The following TRAF3IP2 variants were observed in gnomAD, a reference collection of about 807,000 sequenced individuals.
The protein encoded by TRAF3IP2 is TRAF3 interacting protein 2, also known as E3 ubiquitin ligase TRAF3IP2.
A neutral mutation model predicts 57.9 loss-of-function variants in TRAF3IP2; 35 were observed. That is an observed-to-expected ratio of 0.60 (90% CI 0.46 to 0.80). The LOEUF (loss-of-function observed/expected upper bound fraction) is 0.80, where lower values mean the gene tolerates loss of function less well. TRAF3IP2 is among the 30% of genes least tolerant of loss of function. TRAF3IP2 has a pLI of 0.00. For missense variants in TRAF3IP2, 556 were observed against 706.4 expected (o/e 0.79, Z 2.41); for synonymous variants, 251 against 268.9 (o/e 0.93, Z 0.65).
intron 2 of TRAF3IP2, among the ~76,000 whole-genome samples, chr6:111,581,628 C>T (rs761756023): frequency 6.6e-6 from 1 of 151,842 alleles, no homozygotes; most frequent in Non-Finnish European, 1.5e-5. Context: ...GGCAAGTAAA[C>T]AAAAAAGTGA....
At chr6:111,588,392 G>A (rs1796404791) in intron 2 of TRAF3IP2, among the ~76,000 whole-genome samples, 1 of 152,160 alleles carries the variant, frequency 6.6e-6, no homozygotes, top group Admixed American at 6.5e-5. Context: ...TGGGGCAATA[G>A]GGACAAAAAG....
chr6:111,559,516 G>A lies in TRAF3IP2; in HGVS notation c.1587C>T (p.Val529=). 6.2e-7 allele frequency: 1 copy of A among 1,614,214 alleles called. No individual in the cohort carries two copies. The highest frequency in any genetic ancestry group is 1.3e-5 in the African/African-American group (1 of 75,062). ...TTTTTTTATTCTTGGGCCAGCTGTA[G>A]ACATGAGTGTTCTGAAGCCAGGTGG... The part of the protein sequence containing the change: ...HVPTWLQNTH[V]YSWPKNKKNI... The change falls in exon 9 of 9, where the codon GTC becomes GTT. Residue 529 remains valine, a synonymous_variant. Transcript: ENST00000368761.
chr6:111,588,723 G>A (rs890410279), intron 2 of TRAF3IP2, among the ~76,000 whole-genome samples: 2 of 152,264 alleles, frequency 1.3e-5, no homozygotes, highest in South Asian at 4.1e-4. Context: ...ACATATGTAT[G>A]CAATGCTTGC....
intron 7 of TRAF3IP2, among the ~76,000 whole-genome samples, chr6:111,565,580 T>C (rs889628514): frequency 6.6e-6 from 1 of 152,032 alleles, no homozygotes; most frequent in African/African-American, 2.4e-5. Context: ...AGCCTGAAAG[T>C]CACAAGTGTA....
chr6:111,566,640 G>A lies in TRAF3IP2; in HGVS notation c.1360-80C>T, dbSNP rs989407199. ...GGCATTCTCTGACACACGGGGTGGA[G>A]GGCCAGGCTCATTCTCCATAGAAAG... On this transcript the variant is annotated intron_variant, in intron 6 of 8. Transcript: ENST00000368761. The A allele has an allele frequency of 3.3e-6, 4 of 1,204,186 alleles. No homozygotes were observed. The South Asian group carries it at 4.8e-5, about 15-fold the overall frequency. 74.6% of individuals were successfully genotyped at this position (1,204,186 alleles called of 1,614,324 possible).
chr6:111,595,725 G>A (rs1796663643), intron 1 of TRAF3IP2, among the ~76,000 whole-genome samples: 1 of 151,968 alleles, frequency 6.6e-6, no homozygotes, highest in Admixed American at 6.6e-5. Flanking sequence ...CTACTCCAGA[G>A]GCTGAGGCAG....
chr6:111,589,274 G>A (rs911576288), intron 2 of TRAF3IP2, among the ~76,000 whole-genome samples: 11 of 151,978 alleles, frequency 7.2e-5, no homozygotes, highest in African/African-American at 2.4e-4. Flanking sequence ...ATGTTGGCCA[G>A]GCTAGTCTCA....
chr6:111,588,384 G>A (rs2128380940), intron 2 of TRAF3IP2, among the ~76,000 whole-genome samples: 1 of 152,248 alleles, frequency 6.6e-6, no homozygotes, highest in Middle Eastern at 3.4e-3. Context: ...GCAGGTCCTG[G>A]GGCAATAGGG....
intron 4 of TRAF3IP2, among the ~76,000 whole-genome samples, chr6:111,575,127 G>A (rs766586176): frequency 3.5e-4 from 53 of 152,040 alleles, no homozygotes; most frequent in Non-Finnish European, 6.2e-4. Flanking sequence ...GGGAGGCTGA[G>A]GTGGGAGAAT....
intron 2 of TRAF3IP2, among the ~76,000 whole-genome samples, chr6:111,585,597 G>C (rs1796303355): frequency 6.6e-6 from 1 of 152,164 alleles, no homozygotes; most frequent in Non-Finnish European, 1.5e-5. Flanking sequence ...ACCCACACTA[G>C]TTAGTGTGTG....
intron 1 of TRAF3IP2, among the ~76,000 whole-genome samples, chr6:111,598,807 T>C (rs1260170548): frequency 1.3e-5 from 2 of 152,208 alleles, no homozygotes; most frequent in African/African-American, 4.8e-5. Context: ...ATTCTGATGC[T>C]CACAAAGATT....
Position 111,594,046 on chromosome 6 carries a change from G to A in TRAF3IP2, c.-8-1952C>T, listed in dbSNP as rs142149034. Among the ~76,000 whole-genome samples, 1,409 of 149,080 alleles carry A rather than the reference G, an allele frequency of 9.5e-3. 23 individuals are homozygous for A. Among genetic ancestry groups the A allele is most frequent in the African/African-American group, 0.032 (1,307 of 40,546 alleles). On this transcript the variant is annotated intron_variant, in intron 1 of 8. Coordinates refer to ENST00000368761, the MANE Select transcript of TRAF3IP2 (RefSeq NM_147686.4). Reference sequence around the variant, plus strand: ...CTCAGGAGGCTGAGGCAGGAGAATCGCTTGAACCTGGGAGGTGGAGGTTGC... The same window carrying A: ...CTCAGGAGGCTGAGGCAGGAGAATCACTTGAACCTGGGAGGTGGAGGTTGC...
At chr6:111,599,262 G>A (rs1233682838) in intron 1 of TRAF3IP2, among the ~76,000 whole-genome samples, 1 of 151,970 alleles carries the variant, frequency 6.6e-6, no homozygotes, top group Non-Finnish European at 1.5e-5. Flanking sequence ...GTGAGCTGTG[G>A]TTCTAGCTCT....
At position 111,586,236 on chromosome 6, in the gene TRAF3IP2, T is replaced by C. The variant is rs75139249; in HGVS notation, c.829+5022A>G. Among the ~76,000 whole-genome samples the C allele has an allele frequency of 2.0e-3, 278 of 137,074 alleles. 1 individual carries two copies. The highest frequency in any genetic ancestry group is 4.6e-3 in the Admixed American group (63 of 13,608). 89.9% of individuals were successfully genotyped at this position (137,074 alleles called of 152,430 possible). On this transcript the variant is annotated intron_variant, in intron 2 of 8. Coordinates refer to ENST00000368761, the MANE Select transcript of TRAF3IP2 (RefSeq NM_147686.4). ...TCTAGCATACAAATAATCCCTCCCC[T>C]TTTTTTTTTTTGGTCCACAGGTACA...
intron 3 of TRAF3IP2, among the ~76,000 whole-genome samples, chr6:111,578,066 A>AT (rs1796043398): frequency 6.6e-6 from 1 of 152,214 alleles, no homozygotes; most frequent in Non-Finnish European, 1.5e-5. Context: ...AAAATAGATC[A>AT]AGAAGATCAG....
chr6:111,594,291 C>T (rs947433877), intron 1 of TRAF3IP2, among the ~76,000 whole-genome samples: 2 of 152,066 alleles, frequency 1.3e-5, no homozygotes, highest in South Asian at 4.1e-4. Flanking sequence ...TCTACATGCA[C>T]TTGTGGGCAC....
At chr6:111,600,398 G>A (rs950441031) in intron 1 of TRAF3IP2, 3 of 152,202 alleles carry the variant, frequency 2.0e-5, no homozygotes, top group South Asian at 2.1e-4. Context: ...AGCAGGGTAC[G>A]TGTTACCACT....
chr6:111,601,153 C>A (rs373416434), intron 1 of TRAF3IP2: 5 of 769,114 alleles, frequency 6.5e-6, no homozygotes, highest in Admixed American at 1.7e-5. Context: ...AGCCACATAA[C>A]CCCTAGGAGA....
intron 1 of TRAF3IP2, chr6:111,600,707 A>T (rs1246292691): frequency 6.6e-6 from 1 of 152,478 alleles, no homozygotes; most frequent in East Asian, 1.9e-4. Flanking sequence ...TGGTGCTAAA[A>T]ACAGGTCATG....
Sources: allele counts gnomAD v4.1 joint callset (sites outside exome capture counted in the v4.1 genomes callset), GRCh38; gene constraint gnomAD v4.1.1; transcripts MANE v1.5; gene names NCBI Gene and HGNC (gene_info 2026-07-23, HGNC 2026-07-21).